The following KRR1 variants were observed in gnomAD, a reference collection of about 807,000 sequenced individuals.
The protein encoded by KRR1 is KRR1 small subunit processome component.
In KRR1, 23 loss-of-function variants were observed where a neutral mutation model predicts 50.0. The ratio of observed to expected loss-of-function variants is 0.46; its 90% CI spans 0.33 to 0.65. The LOEUF (loss-of-function observed/expected upper bound fraction) is 0.65, where lower values mean the gene tolerates loss of function less well. Ranked by LOEUF, KRR1 falls within the 30% of genes least tolerant of loss-of-function variation. KRR1 has a pLI of 0.02. For missense variants in KRR1, 419 were observed against 442.4 expected (o/e 0.95, Z 0.47); for synonymous variants, 133 against 146.3 (o/e 0.91, Z 0.66).
chr12:75,492,737 TATTTG>T lies in KRR1; in HGVS notation c.*7067_*7071del, dbSNP rs2046330320. The T allele has an allele frequency of 6.6e-6, 1 of 152,176 alleles. No individual in the cohort carries two copies. Among genetic ancestry groups the T allele is most frequent in the South Asian group, 2.1e-4 (1 of 4,828 alleles). 9.4% of individuals were successfully genotyped at this position (152,176 alleles called of 1,614,324 possible). A position where few individuals can be genotyped will look rare whatever the true frequency, so the allele number is the denominator to read the frequency against. Reference sequence around the variant, plus strand: ...TTCAAATATTCATTTATTCAACAAATATTTGTTTTACTGAGCTCCAAAGGAGAACA... The same window carrying T: ...TTCAAATATTCATTTATTCAACAAATTTTTACTGAGCTCCAAAGGAGAACA... On this transcript the variant is annotated 3_prime_UTR_variant, in exon 10 of 10. Coordinates refer to ENST00000229214, the MANE Select transcript of KRR1 (RefSeq NM_007043.7).
intron 5 of KRR1, among the ~76,000 whole-genome samples, chr12:75,505,940 G>A (rs1010353156): frequency 2.6e-5 from 4 of 152,110 alleles, no homozygotes; most frequent in African/African-American, 9.7e-5. Flanking sequence ...TCTACTGGCT[G>A]TATACACTAC....
rs540922224 is a variant in KRR1, at chr12:75,496,703, G to C, written c.*3106C>G. ...AGTAGGGTGCTTAGAATAGAGGAAG[G>C]ACAGAGTCGGCCAAGTTCCACTGCA... On this transcript the variant is annotated 3_prime_UTR_variant, in exon 10 of 10. Coordinates refer to ENST00000229214, the MANE Select transcript of KRR1 (RefSeq NM_007043.7). 59 of 152,228 alleles carry C rather than the reference G, an allele frequency of 3.9e-4. No individual in the cohort carries two copies. Among genetic ancestry groups the C allele is most frequent in the African/African-American group, 1.4e-3 (57 of 41,548 alleles). 9.4% of individuals were successfully genotyped at this position (152,228 alleles called of 1,614,324 possible). A position where few individuals can be genotyped will look rare whatever the true frequency, so the allele number is the denominator to read the frequency against.
In KRR1 at chr12:75,498,622, G is replaced by C; in HGVS notation, c.*1187C>G. The C allele has an allele frequency of 8.1e-7, 1 of 1,233,950 alleles. No homozygotes were observed. The highest frequency in any genetic ancestry group is 1.2e-6 in the Non-Finnish European group (1 of 841,000). 76.4% of individuals were successfully genotyped at this position (1,233,950 alleles called of 1,614,324 possible). A position where few individuals can be genotyped will look rare whatever the true frequency, so the allele number is the denominator to read the frequency against. On this transcript the variant is annotated 3_prime_UTR_variant, in exon 10 of 10. Coordinates refer to ENST00000229214, the MANE Select transcript of KRR1 (RefSeq NM_007043.7). ...TTAATGGTCATAATTATAAGACTTA[G>C]CTTTTTAAAATAAAACTCTCAACTG...
rs921467757 is a variant in KRR1, at chr12:75,497,379, G to A, written c.*2430C>T. The A allele has an allele frequency of 5.9e-5, 9 of 152,166 alleles. No individual in the cohort carries two copies. The highest frequency in any genetic ancestry group is 5.9e-4 in the Admixed American group (9 of 15,272). The allele number at this position is 152,166 out of a possible 1,614,324, so 9.4% of individuals were successfully genotyped here. A position where few individuals can be genotyped will look rare whatever the true frequency, so the allele number is the denominator to read the frequency against. On this transcript the variant is annotated 3_prime_UTR_variant, in exon 10 of 10. Coordinates refer to ENST00000229214, the MANE Select transcript of KRR1 (RefSeq NM_007043.7). ...ATAATGAAAACCCTTGGACTCTTGA[G>A]AAAACACATGCTAACTTGTATTTAT...
intron 6 of KRR1, among the ~76,000 whole-genome samples, chr12:75,504,592 T>G (rs1411109353): frequency 6.6e-6 from 1 of 152,072 alleles, no homozygotes; most frequent in Non-Finnish European, 1.5e-5. Context: ...AATATCCCAA[T>G]GTAACTCAAA....
chr12:75,500,014 A>G lies in KRR1; in HGVS notation c.1004-63T>C. ...GATTTTACCAAGTAAAACAAAGAAT[A>G]TATGTTTAACAAAGAATATATGTTT... On this transcript the variant is annotated intron_variant, in intron 9 of 9. Coordinates refer to ENST00000229214, the MANE Select transcript of KRR1 (RefSeq NM_007043.7). The G allele has an allele frequency of 3.8e-6, 5 of 1,308,452 alleles. No individual in the cohort carries two copies. The Admixed American group carries it at 7.2e-5, about 19-fold the overall frequency. 81.1% of individuals were successfully genotyped at this position (1,308,452 alleles called of 1,614,324 possible).
Position 75,494,640 on chromosome 12 carries a change from C to A in KRR1, c.*5169G>T, listed in dbSNP as rs572477262. On this transcript the variant is annotated 3_prime_UTR_variant, in exon 10 of 10. Transcript: ENST00000229214. ...ACTATGTTGAGAAAGAGCCCATAGG[C>A]CTCACCAGACTGCCAAAGGGTACGA... 4 of 152,242 alleles carry A rather than the reference C, an allele frequency of 2.6e-5. No homozygotes were observed. In the South Asian group the frequency reaches 8.3e-4, roughly 32 times the overall value. 9.4% of individuals were successfully genotyped at this position (152,242 alleles called of 1,614,324 possible). A position where few individuals can be genotyped will look rare whatever the true frequency, so the allele number is the denominator to read the frequency against.
intron 5 of KRR1, 115 bp from the exon 6 acceptor site, chr12:75,505,369 T>C (rs2046417208): frequency 9.6e-7 from 1 of 1,045,680 alleles, no homozygotes; most frequent in Non-Finnish European, 1.3e-6. Flanking sequence ...TGTAATTAAA[T>C]AATTAAGTAG....
chr12:75,511,125 C>G (rs1195438799), intron 1 of KRR1, among the ~76,000 whole-genome samples: 1 of 152,190 alleles, frequency 6.6e-6, no homozygotes, highest in African/African-American at 2.4e-5. Context: ...ACCCCATTAT[C>G]AGGGTCCACT....
At chr12:75,500,474 TAATTG>T (rs1424021516) in intron 9 of KRR1, 1 of 126,466 alleles carries the variant, frequency 7.9e-6, no homozygotes, top group African/African-American at 2.5e-5. Context: ...AATTCAATAT[TAATTG>T]AATATTCAAT....
Position 75,498,783 on chromosome 12 carries a change from A to C in KRR1, c.*1026T>G, listed in dbSNP as rs2046368658. 2 of 1,608,708 alleles carry C rather than the reference A, an allele frequency of 1.2e-6. No homozygotes were observed. The highest frequency in any genetic ancestry group is 1.3e-5 in the African/African-American group (1 of 74,774). On this transcript the variant is annotated 3_prime_UTR_variant, in exon 10 of 10. Coordinates refer to ENST00000229214, the MANE Select transcript of KRR1 (RefSeq NM_007043.7). Reference sequence around the variant, plus strand: ...ATGTGAATTCTGTCAGTGCATTATGAGGAACAATGTCTAAGAGGATATTCT... The same window carrying C: ...ATGTGAATTCTGTCAGTGCATTATGCGGAACAATGTCTAAGAGGATATTCT...
rs947055632 is a variant in KRR1 at position 75,508,374 on chromosome 12, C to T, written c.158G>A (p.Gly53Glu). ...PAFSKEDNPR[G>E]LLEESSFATL... ...TGCGAAACTGCTCTCCTCCAAAAGTCCTCTGGGATTGTCCTCTTTGGAAAA... is the reference window on the plus strand; with the variant it reads ...TGCGAAACTGCTCTCCTCCAAAAGTTCTCTGGGATTGTCCTCTTTGGAAAA... The change falls in exon 2 of 10, where the codon GGA becomes GAA. Residue 53 changes from glycine (G) to glutamate (E), a missense_variant. Transcript: ENST00000229214. The T allele has an allele frequency of 2.5e-6, 4 of 1,613,260 alleles. No individual in the cohort carries two copies. The African/African-American group carries it at 5.3e-5, about 22-fold the overall frequency.
At position 75,495,292 on chromosome 12, in the gene KRR1, A is replaced by C. The variant is rs1303104724; in HGVS notation, c.*4517T>G. The C allele has an allele frequency of 3.5e-6, 1 of 285,202 alleles. No individual in the cohort carries two copies. Among genetic ancestry groups the C allele is most frequent in the Non-Finnish European group, 6.7e-6 (1 of 148,336 alleles). The allele number at this position is 285,202 out of a possible 1,614,324, so 17.7% of individuals were successfully genotyped here. On this transcript the variant is annotated 3_prime_UTR_variant, in exon 10 of 10. Transcript: ENST00000229214. ...TAAATTGTGATTAAAGGTATCTCTTACATCTTTTGTCTCATCTGTAAAACA... is the reference window on the plus strand; with the variant it reads ...TAAATTGTGATTAAAGGTATCTCTTCCATCTTTTGTCTCATCTGTAAAACA...
chr12:75,511,064 C>T (rs1349411996), intron 1 of KRR1, among the ~76,000 whole-genome samples: 1 of 152,208 alleles, frequency 6.6e-6, no homozygotes, highest in Non-Finnish European at 1.5e-5. Flanking sequence ...AATGTCTTTA[C>T]TGACAAACTA....
Position 75,493,267 on chromosome 12 carries a change from G to C in KRR1, c.*6542C>G, listed in dbSNP as rs1411907698. Reference sequence around the variant, plus strand: ...AGGAGCATAAAAGGTAAAACAGAGAGACCAGTTAGGAATGTCCTCATTTCC... The same window carrying C: ...AGGAGCATAAAAGGTAAAACAGAGACACCAGTTAGGAATGTCCTCATTTCC... On this transcript the variant is annotated 3_prime_UTR_variant, in exon 10 of 10. Transcript: ENST00000229214. 2 of 152,172 alleles carry C rather than the reference G, an allele frequency of 1.3e-5. No individual in the cohort carries two copies. Among genetic ancestry groups the C allele is most frequent in the Admixed American group, 6.5e-5 (1 of 15,268 alleles). 9.4% of individuals were successfully genotyped at this position (152,172 alleles called of 1,614,324 possible).
At chr12:75,509,379 T>A (rs561477894) in intron 1 of KRR1, among the ~76,000 whole-genome samples, 2 of 152,228 alleles carry the variant, frequency 1.3e-5, no homozygotes, top group South Asian at 4.1e-4. Flanking sequence ...AACAGGAGAC[T>A]CTTAAGCACG....
rs950814560 is a variant in KRR1, at chr12:75,505,119, C to T, written c.660+79G>A. On this transcript the variant is annotated intron_variant, in intron 6 of 9. Coordinates refer to ENST00000229214, the MANE Select transcript of KRR1 (RefSeq NM_007043.7). Reference sequence around the variant, plus strand: ...GTTTGTGCATTAGAATTTCATAAAACATTTAATTTCAAGAAAGGTTTCTGT... The same window carrying T: ...GTTTGTGCATTAGAATTTCATAAAATATTTAATTTCAAGAAAGGTTTCTGT... 33 of 1,351,214 alleles carry T rather than the reference C, an allele frequency of 2.4e-5. No homozygotes were observed. The African/African-American group carries it at 3.8e-4, about 15-fold the overall frequency. The allele number at this position is 1,351,214 out of a possible 1,614,324, so 83.7% of individuals were successfully genotyped here.
chr12:75,492,913 A>G lies in KRR1; in HGVS notation c.*6896T>C, dbSNP rs1478699451. ...CTATCAATAGGCAAGGCCCCTGTTTAGAATAATCAGGGAAGGGCTTCTTGT... is the reference window on the plus strand; with the variant it reads ...CTATCAATAGGCAAGGCCCCTGTTTGGAATAATCAGGGAAGGGCTTCTTGT... On this transcript the variant is annotated 3_prime_UTR_variant, in exon 10 of 10. Coordinates refer to ENST00000229214, the MANE Select transcript of KRR1 (RefSeq NM_007043.7). The G allele has an allele frequency of 6.6e-6, 1 of 152,220 alleles. No homozygotes were observed. Among genetic ancestry groups the G allele is most frequent in the African/African-American group, 2.4e-5 (1 of 41,452 alleles). 9.4% of individuals were successfully genotyped at this position (152,220 alleles called of 1,614,324 possible).
At position 75,491,752 on chromosome 12, in the gene KRR1, CAT is replaced by C. The variant is rs2046324939; in HGVS notation, c.*8055_*8056del. 1 of 151,978 alleles carries C rather than the reference CAT, an allele frequency of 6.6e-6. No homozygotes were observed. The highest frequency in any genetic ancestry group is 1.9e-4 in the East Asian group (1 of 5,192). 9.4% of individuals were successfully genotyped at this position (151,978 alleles called of 1,614,324 possible). A position where few individuals can be genotyped will look rare whatever the true frequency, so the allele number is the denominator to read the frequency against. ...TATTTATATTCCTTTTTCTGTGAAT[CAT>C]GTGGGCTGACCATTTTTCTACTAGA... On this transcript the variant is annotated 3_prime_UTR_variant, in exon 10 of 10. Coordinates refer to ENST00000229214, the MANE Select transcript of KRR1 (RefSeq NM_007043.7).
Sources: gnomAD v4.1 joint callset for allele counts (sites outside exome capture counted in the v4.1 genomes callset) on GRCh38, gnomAD v4.1.1 for gene constraint, MANE v1.5 for transcripts, NCBI Gene and HGNC (gene_info 2026-07-23, HGNC 2026-07-21) for gene names.